KRT3: variants seen among roughly 807,000 people sequenced by gnomAD.
The protein encoded by KRT3 is keratin 3.
A neutral mutation model predicts 45.8 loss-of-function variants in KRT3; 34 were observed. The observed-to-expected ratio is 0.74, with a 90% CI of 0.57 to 0.99. The LOEUF (loss-of-function observed/expected upper bound fraction) is 0.99, where lower values mean the gene tolerates loss of function less well. Among genes scored for constraint, KRT3 ranks in the 50% least tolerant of loss-of-function variants. KRT3 has a pLI of 0.00. For missense variants in KRT3, 828 were observed against 820.6 expected, an observed-to-expected ratio of 1.01 and a Z score of -0.11; for synonymous variants, 367 against 329.0, an observed-to-expected ratio of 1.12 and a Z score of -1.25.
Position 52,789,845 on chromosome 12 carries a change from G to C in KRT3, c.*197C>G. The C allele has an allele frequency of 1.5e-6, 1 of 668,128 alleles. No individual in the cohort carries two copies. The highest frequency in any genetic ancestry group is 1.8e-5 in the South Asian group (1 of 54,700). 41.4% of individuals were successfully genotyped at this position (668,128 alleles called of 1,614,324 possible). On this transcript the variant is annotated 3_prime_UTR_variant, in exon 9 of 9. Coordinates refer to ENST00000417996, the MANE Select transcript of KRT3 (RefSeq NM_057088.3). ...CCTGGACAATCACAGGCACAGGCTG[G>C]AGCCGGAGAGAAGAGCCTGAAATTC...
chr12:52,794,409 G>A (rs1025489093), intron 1 of KRT3, 78 bp from the exon 2 acceptor site: 3 of 1,039,918 alleles, frequency 2.9e-6, no homozygotes, highest in East Asian at 4.8e-5. Flanking sequence ...GGTAGGACTA[G>A]GTGTCTATCT....
At chr12:52,793,336 C>G in intron 2 of KRT3, 113 bp from the exon 3 acceptor site, 1 of 700,732 alleles carries the variant, frequency 1.4e-6, no homozygotes. Context: ...CTATCCTGCC[C>G]CTCTCAGATG....
rs758088219 is a variant in KRT3 at position 52,794,311 on chromosome 12, CTGT to C, written c.663_665del (p.Gln222del). 1.2e-6 allele frequency: 2 copies of C among 1,613,992 alleles called. No homozygotes were observed. The highest frequency in any genetic ancestry group is 2.2e-5 in the South Asian group (2 of 91,072). ...TCCACTTGGTCTCCAGGACTTTGTT[CTGT>C]TGCTCCAGGAACCGCACCTGCAATG... On this transcript the variant is annotated inframe_deletion, in exon 2 of 9. Coordinates refer to ENST00000417996, the MANE Select transcript of KRT3 (RefSeq NM_057088.3).
chr12:52,792,928 C>A, intron 3 of KRT3, 122 bp from the exon 4 acceptor site: 1 of 737,806 alleles, frequency 1.4e-6, no homozygotes, highest in Non-Finnish European at 2.4e-6. Flanking sequence ...CCAGTCTCCA[C>A]TTGAACGGGC....
At position 52,794,202 on chromosome 12, in the gene KRT3, G is replaced by T. The variant is rs201818737; in HGVS notation, c.775C>A (p.Arg259=). 5.0e-6 allele frequency: 8 copies of T among 1,614,018 alleles called. No homozygotes were observed. The highest frequency in any genetic ancestry group is 5.9e-6 in the Non-Finnish European group (7 of 1,180,010). Residue 259 remains arginine (R), a synonymous_variant, in exon 2 of 9, where the codon CGG becomes AGG. Transcript: ENST00000417996. Reference sequence around the variant, plus strand: ...CCGAGGATGTTGTCCAGGTAGCTCCGCAGGTAGTTGATGTGATTCTCAAAA... The same window carrying T: ...CCGAGGATGTTGTCCAGGTAGCTCCTCAGGTAGTTGATGTGATTCTCAAAA... ...PLFENHINYL[R]SYLDNILGER...
chr12:52,795,969 C>T lies in KRT3; in HGVS notation c.74G>A (p.Gly25Asp), dbSNP rs1466295880. Reference protein sequence around the residue: ...GFSGRSAVVSGSSRMSCVAHS... With the variant: ...GFSGRSAVVSDSSRMSCVAHS... The stretch of plus-strand genomic sequence containing the variant: ...GGCCACACAGCTCATCCTGCTGCTG[C>T]CGGAGACCACAGCAGAGCGGCCGGA... Residue 25 changes from glycine (G) to aspartate (D), a missense_variant, in exon 1 of 9, where the codon GGC (glycine) becomes GAC (aspartate). Gly to Asp is a moderately conservative substitution (Grantham distance 94). Coordinates refer to ENST00000417996, the MANE Select transcript of KRT3 (RefSeq NM_057088.3). 14 of 1,614,032 alleles carry T rather than the reference C, an allele frequency of 8.7e-6. No homozygotes were observed. In the South Asian group the frequency reaches 1.3e-4, roughly 15 times the overall value.
At chr12:52,793,086 G>T in intron 3 of KRT3, 77 bp downstream of exon 3, 1 of 1,165,610 alleles carries the variant, frequency 8.6e-7, no homozygotes, top group Non-Finnish European at 1.3e-6. Flanking sequence ...CTCTGTGGCA[G>T]TGGAGTGAGG....
rs766145049 is a variant in KRT3, at chr12:52,792,288, T to A, written c.1139A>T (p.Asp380Val). ...IIAEVRAQYE[D>V]IAQRSKAEAE... is the part of the protein sequence containing the mutation. ...TTCGGCCTTGCTTCTCTGAGCGATA[T>A]CCTCATACTGTGCACGAACTTCAGC... is the stretch of plus-strand genomic sequence containing the variant. Residue 380 changes from aspartate (D) to valine (V), a missense_variant, in exon 5 of 9, where the codon GAT (aspartate) becomes GTT (valine). Asp to Val is a radical substitution (Grantham distance 152). Transcript: ENST00000417996. 1.2e-6 allele frequency: 2 copies of A among 1,614,160 alleles called. No homozygotes were observed. The highest frequency in any genetic ancestry group is 1.7e-5 in the Admixed American group (1 of 60,028).
intron 1 of KRT3, 101 bp from the exon 2 acceptor site, chr12:52,794,432 G>A (rs1939594498): frequency 2.7e-6 from 2 of 736,986 alleles, no homozygotes; most frequent in East Asian, 2.5e-5. Context: ...TGGGCCCCCA[G>A]CACAAAGGCC....
Position 52,791,286 on chromosome 12 carries a change from G to A in KRT3, c.1455C>T (p.Tyr485=). 2 of 1,614,222 alleles carry A rather than the reference G, an allele frequency of 1.2e-6. No individual in the cohort carries two copies. Among genetic ancestry groups the A allele is most frequent in the Non-Finnish European group, 1.7e-6 (2 of 1,180,030 alleles). Reference sequence around the variant, plus strand: ...CCAGCTTGACATTCATCAGCTCCTGGTAGTCACGTAGCAGCCGCGCCAGGT... The same window carrying A: ...CCAGCTTGACATTCATCAGCTCCTGATAGTCACGTAGCAGCCGCGCCAGGT... ...KDDLARLLRD[Y]QELMNVKLAL... is the part of the protein sequence containing the mutation. Residue 485 remains tyrosine, a synonymous_variant, in exon 7 of 9, where the codon TAC becomes TAT. Coordinates refer to ENST00000417996, the MANE Select transcript of KRT3 (RefSeq NM_057088.3).
In KRT3 at chr12:52,791,816, A is replaced by G. The variant is rs534142348; in HGVS notation, c.1189T>C (p.Leu397=). The G allele has an allele frequency of 6.2e-6, 10 of 1,613,376 alleles. No homozygotes were observed. The African/African-American group carries it at 6.7e-5, about 11-fold the overall frequency. Residue 397 remains leucine (L), a splice_region_variant and synonymous_variant, in exon 6 of 9, where the codon TTG becomes CTG. Coordinates refer to ENST00000417996, the MANE Select transcript of KRT3 (RefSeq NM_057088.3). ...CCAGCCGTGGTCTGCAGCTCCCCCA[A>G]CTGCAGAACAGAAGGGAAGATGGGG... is the stretch of plus-strand genomic sequence containing the variant. The part of the protein sequence containing the change: ...AEAEALYQTK[L]GELQTTAGRH...
Position 52,795,528 on chromosome 12 carries a change from T to C in KRT3, c.515A>G (p.Glu172Gly). The C allele has an allele frequency of 6.2e-7, 1 of 1,613,990 alleles. No individual in the cohort carries two copies. Among genetic ancestry groups the C allele is most frequent in the East Asian group, 2.2e-5 (1 of 44,864 alleles). ...GPGGFPGGIQ[E>G]VTINQSLLQP... The stretch of plus-strand genomic sequence containing the variant: ...CAGGAGACTCTGGTTGATAGTCACT[T>C]CCTGAATTCCCCCAGGAAAGCCCCC... Residue 172 changes from glutamate (E) to glycine (G), a missense_variant, in exon 1 of 9, where the codon GAA becomes GGA. Physicochemically the swap from Glu to Gly is moderately conservative, Grantham distance 98 (BLOSUM62 -2). Coordinates refer to ENST00000417996, the MANE Select transcript of KRT3 (RefSeq NM_057088.3).
chr12:52,792,939 A>G lies in KRT3; in HGVS notation c.928-133T>C, dbSNP rs148789703. 3.6e-3 allele frequency: 2,605 copies of G among 719,198 alleles called. 50 individuals carry two copies. In the African/African-American group the frequency reaches 0.039, roughly 11 times the overall value. The allele number at this position is 719,198 out of a possible 1,614,324, so 44.6% of individuals were successfully genotyped here. A position where few individuals can be genotyped will look rare whatever the true frequency, so the allele number is the denominator to read the frequency against. On this transcript the variant is annotated intron_variant, in intron 3 of 8. Transcript: ENST00000417996. The stretch of plus-strand genomic sequence containing the variant: ...AAGACCAGTCTCCACTTGAACGGGC[A>G]ATTTGTATCTCATTAGGATGGTCTA...
At position 52,789,989 on chromosome 12, in the gene KRT3, C is replaced by A. The variant is rs893065420; in HGVS notation, c.*53G>T. The A allele has an allele frequency of 1.0e-5, 15 of 1,500,958 alleles. No homozygotes were observed. The Admixed American group carries it at 1.8e-4, about 18-fold the overall frequency. 93.0% of individuals were successfully genotyped at this position (1,500,958 alleles called of 1,614,324 possible). ...GCTGGGGGTGTTGCCAATATGGGGG[C>A]GTGGGGAGCGGAGGGGAGGCGCTGG... On this transcript the variant is annotated 3_prime_UTR_variant, in exon 9 of 9. Transcript: ENST00000417996.
rs1223475823 is a variant in KRT3 at position 52,790,256 on chromosome 12, C to T, written c.1673G>A (p.Gly558Asp). ...CCGGCCAAAGCCACTGCCTGAGCCG[C>T]CGCCCGCACTGAAGCCACCTCCTAA... ...GGLGGGFSAG[G>D]GSGSGFGRGG... The change falls in exon 9 of 9, where the codon GGC becomes GAC. Residue 558 changes from glycine (G) to aspartate (D), a missense_variant. Coordinates refer to ENST00000417996, the MANE Select transcript of KRT3 (RefSeq NM_057088.3). 6.4e-7 allele frequency: 1 copy of T among 1,551,044 alleles called. No homozygotes were observed. The highest frequency in any genetic ancestry group is 2.4e-5 in the East Asian group (1 of 40,916).
intron 1 of KRT3, 97 bp downstream of exon 1, chr12:52,795,301 A>T: frequency 1.4e-6 from 2 of 1,439,678 alleles, no homozygotes; most frequent in Admixed American, 3.4e-5. Context: ...CTCACCCTCC[A>T]GTCTGGCCTA....
In KRT3 at chr12:52,792,701, A is replaced by T. The variant is rs1327288304; in HGVS notation, c.1023+10T>A. On this transcript the variant is annotated intron_variant, in intron 4 of 8. Transcript: ENST00000417996. The stretch of plus-strand genomic sequence containing the variant: ...TCCCTCTGTCCCTTCTTAGTAGGTA[A>T]CATCCTTACAGCGTCGTAGAGGGTC... The T allele has an allele frequency of 1.9e-6, 3 of 1,583,434 alleles. No homozygotes were observed. The African/African-American group carries it at 4.0e-5, about 21-fold the overall frequency.
Position 52,791,431 on chromosome 12 carries a change from G to A in KRT3, c.1315-5C>T. On this transcript the variant is annotated splice_region_variant and splice_polypyrimidine_tract_variant and intron_variant, in intron 6 of 8. Coordinates refer to ENST00000417996, the MANE Select transcript of KRT3 (RefSeq NM_057088.3). Reference sequence around the variant, plus strand: ...GGCCGTCTGCAGGTTGGCATTCTGGGGCAAGGGAGGTAGGAGGAATGAGCT... The same window carrying A: ...GGCCGTCTGCAGGTTGGCATTCTGGAGCAAGGGAGGTAGGAGGAATGAGCT... The A allele has an allele frequency of 6.2e-7, 1 of 1,613,918 alleles. No homozygotes were observed. Among genetic ancestry groups the A allele is most frequent in the Non-Finnish European group, 8.5e-7 (1 of 1,179,870 alleles).
In KRT3 at chr12:52,790,087, G is replaced by T. The variant is rs1415940817; in HGVS notation, c.1842C>A (p.Ile614=). The T allele has an allele frequency of 6.5e-7, 1 of 1,542,058 alleles. No homozygotes were observed. Among genetic ancestry groups the T allele is most frequent in the Non-Finnish European group, 8.7e-7 (1 of 1,146,890 alleles). ...AGGACTGGGAGGACTGGGAGAACTT[G>T]ATGCTGCCGCCCCGGTTGCTGGCCG... ...FSSASNRGGS[I]KFSQSSQSSQ... Residue 614 remains isoleucine, a synonymous_variant, in exon 9 of 9, where the codon ATC becomes ATA. Coordinates refer to ENST00000417996, the MANE Select transcript of KRT3 (RefSeq NM_057088.3).
Sources: gnomAD v4.1 joint callset for allele counts on GRCh38, gnomAD v4.1.1 for gene constraint, MANE v1.5 for transcripts, NCBI Gene and HGNC (gene_info 2026-07-23, HGNC 2026-07-21) for gene names.